Variants in PLEKHH1 observed in about 807,000 individuals in gnomAD.
PLEKHH1 encodes pleckstrin homology domain-containing family H member 1.
A neutral mutation model predicts 160.0 loss-of-function variants in PLEKHH1; 104 were observed. The observed-to-expected ratio is 0.65, with a 90% CI of 0.55 to 0.76. The LOEUF is 0.76. Among genes scored for constraint, PLEKHH1 ranks in the 30% least tolerant of loss-of-function variants. PLEKHH1 has a pLI of 0.00. For synonymous variants in PLEKHH1, 619 were observed against 678.4 expected (o/e 0.91, Z 1.36); for missense variants, 1,427 against 1,724.1 (o/e 0.83, Z 3.05).
chr14:67,567,935 T>G (rs1222587567), intron 7 of PLEKHH1, among the ~76,000 whole-genome samples: 1 of 152,204 alleles, frequency 6.6e-6, no homozygotes, highest in African/African-American at 2.4e-5. Context: ...GTGGGTTGTT[T>G]ATGAGCAGTC....
At chr14:67,538,179 T>C (rs750650310) in intron 1 of PLEKHH1, among the ~76,000 whole-genome samples, 4 of 152,210 alleles carry the variant, frequency 2.6e-5, no homozygotes, top group Non-Finnish European at 4.4e-5. Flanking sequence ...TCCCCATTTA[T>C]TTTTTGCCAT....
chr14:67,588,006 G>A lies in PLEKHH1; in HGVS notation c.*771G>A, dbSNP rs2036246124. Reference sequence around the variant, plus strand: ...GCCTTTCCCAAATGGGAAAGGTGCTGACAGAGTTGGAGAAAAAAGAATAGA... The same window carrying A: ...GCCTTTCCCAAATGGGAAAGGTGCTAACAGAGTTGGAGAAAAAAGAATAGA... On this transcript the variant is annotated 3_prime_UTR_variant, in exon 29 of 29. Transcript: ENST00000329153. 1 of 152,602 alleles carries A rather than the reference G, an allele frequency of 6.6e-6. No individual in the cohort carries two copies. The highest frequency in any genetic ancestry group is 2.4e-5 in the African/African-American group (1 of 41,442). 9.5% of individuals were successfully genotyped at this position (152,602 alleles called of 1,614,324 possible). A position where few individuals can be genotyped will look rare whatever the true frequency, so the allele number is the denominator to read the frequency against.
intron 2 of PLEKHH1, among the ~76,000 whole-genome samples, chr14:67,543,539 G>A (rs527819573): frequency 2.8e-4 from 43 of 152,200 alleles, no homozygotes; most frequent in Non-Finnish European, 5.4e-4. Flanking sequence ...ATATTCCTGG[G>A]TTCTACCCCA....
At chr14:67,580,842 C>T (rs1474390479) in intron 22 of PLEKHH1, 96 bp from the exon 23 acceptor site, 2 of 778,982 alleles carry the variant, frequency 2.6e-6, no homozygotes, top group Non-Finnish European at 4.4e-6. Context: ...CCTTAGTTTT[C>T]TTTGCTCTTC....
Position 67,579,840 on chromosome 14 carries a change from C to T in PLEKHH1, c.3147C>T (p.Gly1049=), listed in dbSNP as rs778943558. 1.9e-5 allele frequency: 30 copies of T among 1,606,540 alleles called. No homozygotes were observed. In the East Asian group the frequency reaches 5.8e-4, roughly 31 times the overall value. ...GFALFTDDPS[G]RDLEHCLQGS... is the part of the protein sequence containing the mutation. ...CCCTCTTCACGGACGATCCCTCGGG[C>T]AGGGACCTGGAGCACTGCCTGCAGG... The change falls in exon 22 of 29, where the codon GGC becomes GGT. Residue 1049 remains glycine (G), a synonymous_variant. Coordinates refer to ENST00000329153, the MANE Select transcript of PLEKHH1 (RefSeq NM_020715.3).
At position 67,572,131 on chromosome 14, in the gene PLEKHH1, C is replaced by T. The variant is rs369942973; in HGVS notation, c.1586-4C>T. 13 of 1,604,304 alleles carry T rather than the reference C, an allele frequency of 8.1e-6. No homozygotes were observed. The highest frequency in any genetic ancestry group is 9.4e-6 in the Non-Finnish European group (11 of 1,175,812). On this transcript the variant is annotated splice_region_variant and splice_polypyrimidine_tract_variant and intron_variant, in intron 10 of 28. Transcript: ENST00000329153. The stretch of plus-strand genomic sequence containing the variant: ...CGGGCCTTGACTCCTCCTCCCTCGG[C>T]AAGGCGTCTCCATGTCCTCACTGAG...
Position 67,586,490 on chromosome 14 carries a change from C to T in PLEKHH1, c.3933+393C>T, listed in dbSNP as rs1230666274. 2.8e-6 allele frequency: 3 copies of T among 1,062,070 alleles called. No individual in the cohort carries two copies. The Admixed American group carries it at 6.9e-5, about 24-fold the overall frequency. The allele number at this position is 1,062,070 out of a possible 1,614,324, so 65.8% of individuals were successfully genotyped here. On this transcript the variant is annotated intron_variant, in intron 28 of 28. Transcript: ENST00000329153. The stretch of plus-strand genomic sequence containing the variant: ...ATGTTACCCCTGGGTTCTGCTGACC[C>T]AACATTAGCTACAAAGTGGGACAGT...
Position 67,569,651 on chromosome 14 carries a change from C to T in PLEKHH1, c.1343-270C>T, listed in dbSNP as rs2140455167. 7.8e-6 allele frequency: 4 copies of T among 512,594 alleles called. No individual in the cohort carries two copies. In the South Asian group the frequency reaches 9.5e-5, roughly 12 times the overall value. 31.8% of individuals were successfully genotyped at this position (512,594 alleles called of 1,614,324 possible). A position where few individuals can be genotyped will look rare whatever the true frequency, so the allele number is the denominator to read the frequency against. The stretch of plus-strand genomic sequence containing the variant: ...CCGTATGATTTGTAACTCACATCTG[C>T]AACAGTGGAACACTGTGCAAGCCTC... On this transcript the variant is annotated intron_variant, in intron 8 of 28. Coordinates refer to ENST00000329153, the MANE Select transcript of PLEKHH1 (RefSeq NM_020715.3).
At chr14:67,585,773 G>T (rs753416871) in intron 27 of PLEKHH1, 119 bp downstream of exon 27, 15 of 988,494 alleles carry the variant, frequency 1.5e-5, no homozygotes, top group Non-Finnish European at 2.3e-5. Flanking sequence ...CCCCACTCCT[G>T]CCCAAGCACC....
rs138740225 is a variant in PLEKHH1, at chr14:67,551,604, G to A, written c.127-4221G>A. On this transcript the variant is annotated intron_variant, in intron 2 of 28. Transcript: ENST00000329153. The stretch of plus-strand genomic sequence containing the variant: ...TTCTCTCCCGTGGGTGCAAGGCAGC[G>A]GTAATAATGTTGAACCTTTCACGCC... Among the ~76,000 whole-genome samples the A allele has an allele frequency of 8.3e-4, 127 of 152,176 alleles. 2 individuals are homozygous for A. The highest frequency in any genetic ancestry group is 2.9e-3 in the African/African-American group (121 of 41,522).
intron 28 of PLEKHH1, chr14:67,586,817 C>T: frequency 1.4e-6 from 2 of 1,455,070 alleles, no homozygotes; most frequent in East Asian, 3.0e-5. Flanking sequence ...TAGAGCTAAC[C>T]AGAGCAGAAC....
Position 67,574,600 on chromosome 14 carries a change from A to C in PLEKHH1, c.2088+197A>C, listed in dbSNP as rs2035541435. Among the ~76,000 whole-genome samples, 1 of 152,194 alleles carries C rather than the reference A, an allele frequency of 6.6e-6. No individual in the cohort carries two copies. Among genetic ancestry groups the C allele is most frequent in the Admixed American group, 6.5e-5 (1 of 15,286 alleles). ...ATGGCGAGTGATTCCCCGGAAACAA[A>C]TCAGGGTTGTTGGAACAACTATTCT... On this transcript the variant is annotated intron_variant, in intron 14 of 28. Coordinates refer to ENST00000329153, the MANE Select transcript of PLEKHH1 (RefSeq NM_020715.3). The surrounding 1 kb of genome is among the most constrained non-coding windows in gnomAD (Gnocchi z 4.2).
At chr14:67,565,846 T>C (rs1361590927) in intron 7 of PLEKHH1, among the ~76,000 whole-genome samples, 4 of 152,074 alleles carry the variant, frequency 2.6e-5, no homozygotes, top group African/African-American at 9.7e-5. Context: ...AAATCCGGGC[T>C]CAGTAGCTTA....
At position 67,573,198 on chromosome 14, in the gene PLEKHH1, G is replaced by A; in HGVS notation, c.1729-78G>A. ...TTGATGACCGAGTAGTGAGGCAGCT[G>A]GACCACTTGGACCTGTGTGATGTCT... On this transcript the variant is annotated intron_variant, in intron 11 of 28. Transcript: ENST00000329153. This position sits in a 1 kb window ranked among gnomAD's most constrained non-coding sequence, Gnocchi z 4.8. The A allele has an allele frequency of 1.2e-6, 1 of 852,038 alleles. No individual in the cohort carries two copies. The highest frequency in any genetic ancestry group is 2.0e-6 in the Non-Finnish European group (1 of 507,478). The allele number at this position is 852,038 out of a possible 1,614,324, so 52.8% of individuals were successfully genotyped here.
At chr14:67,536,972 G>A (rs868625638) in intron 1 of PLEKHH1, among the ~76,000 whole-genome samples, 2 of 151,104 alleles carry the variant, frequency 1.3e-5, no homozygotes, top group Non-Finnish European at 2.9e-5. Context: ...CCTGAGAGGC[G>A]GAGGTTGCAG....
chr14:67,543,473 C>T (rs1408639237), intron 2 of PLEKHH1, among the ~76,000 whole-genome samples: 1 of 152,204 alleles, frequency 6.6e-6, no homozygotes, highest in Non-Finnish European at 1.5e-5. Flanking sequence ...CAGTGATTCT[C>T]AAAGTGTGGT....
intron 9 of PLEKHH1, 46 bp downstream of exon 9, chr14:67,570,058 C>A: frequency 7.8e-7 from 1 of 1,284,702 alleles, no homozygotes; most frequent in Non-Finnish European, 1.1e-6. Flanking sequence ...CAGGAAAGGC[C>A]CCTGGCCTCA....
intron 2 of PLEKHH1, among the ~76,000 whole-genome samples, chr14:67,548,252 A>G (rs1248656999): frequency 1.3e-5 from 2 of 152,236 alleles, no homozygotes; most frequent in African/African-American, 4.8e-5. Flanking sequence ...CAGTTATCCT[A>G]TCAGAAAAGT....
At chr14:67,555,404 C>T (rs374904654) in intron 2 of PLEKHH1, among the ~76,000 whole-genome samples, 1 of 152,280 alleles carries the variant, frequency 6.6e-6, no homozygotes, top group African/African-American at 2.4e-5. Context: ...TGTTTTCTAT[C>T]GATGACACAG....
Sources: allele counts gnomAD v4.1 joint callset (sites outside exome capture counted in the v4.1 genomes callset), GRCh38; gene constraint gnomAD v4.1.1; non-coding constraint Gnocchi (gnomAD v3.1); transcripts MANE v1.5; gene names NCBI Gene and HGNC (gene_info 2026-07-23, HGNC 2026-07-21).